Variants in COX10 observed in about 807,000 individuals in gnomAD.
The protein encoded by COX10 is protoheme IX farnesyltransferase, mitochondrial.
COX10 carries 27 observed loss-of-function variants against 37.3 expected under a neutral mutation model. That is an observed-to-expected ratio of 0.72 (90% CI 0.53 to 1.00). COX10 has a LOEUF of 1.00. Among genes scored for constraint, COX10 ranks in the 50% least tolerant of loss-of-function variants. The pLI is 0.00. For missense variants in COX10, 475 were observed against 563.2 expected (o/e 0.84, Z 1.59); for synonymous variants, 222 against 229.1 (o/e 0.97, Z 0.28).
intron 4 of COX10, among the ~76,000 whole-genome samples, chr17:14,109,281 A>G (rs1441220195): frequency 6.6e-6 from 1 of 152,176 alleles, no homozygotes; most frequent in Non-Finnish European, 1.5e-5. Flanking sequence ...CAGAAAGAAA[A>G]TGCATTTTGA....
At chr17:14,096,237 C>T (rs974793838) in intron 3 of COX10, among the ~76,000 whole-genome samples, 2 of 152,114 alleles carry the variant, frequency 1.3e-5, no homozygotes, top group Non-Finnish European at 2.9e-5. Flanking sequence ...CTCTTATAGG[C>T]CCAACTTCTT....
chr17:14,181,642 G>A (rs1430564994), intron 5 of COX10, among the ~76,000 whole-genome samples: 1 of 152,178 alleles, frequency 6.6e-6, no homozygotes, highest in Non-Finnish European at 1.5e-5. Flanking sequence ...TAAGGAGGCA[G>A]ATCAGAGAAT....
intron 4 of COX10, among the ~76,000 whole-genome samples, chr17:14,121,089 G>C (rs143065955): frequency 2.0e-5 from 3 of 152,196 alleles, no homozygotes; most frequent in African/African-American, 7.2e-5. Context: ...TTGTTCTTTA[G>C]CATTTCTAGT....
chr17:14,069,627 C>G lies in COX10; in HGVS notation c.22C>G (p.Leu8Val), dbSNP rs1393803683. Residue 8 changes from leucine (L) to valine (V), a missense_variant, in exon 1 of 7, where the codon CTC becomes GTC. Transcript: ENST00000261643. Reference sequence around the variant, plus strand: ...AATTATGGCCGCATCTCCGCACACTCTCTCCTCACGCCTCCTGACAGGTAC... The same window carrying G: ...AATTATGGCCGCATCTCCGCACACTGTCTCCTCACGCCTCCTGACAGGTAC... MAASPHT[L>V]SSRLLTGCVG... The G allele has an allele frequency of 1.2e-6, 2 of 1,614,114 alleles. No individual in the cohort carries two copies. Among genetic ancestry groups the G allele is most frequent in the Non-Finnish European group, 1.7e-6 (2 of 1,180,018 alleles).
At chr17:14,165,006 T>G (rs924602351) in intron 5 of COX10, among the ~76,000 whole-genome samples, 1 of 152,236 alleles carries the variant, frequency 6.6e-6, no homozygotes, top group African/African-American at 2.4e-5. Context: ...TCTTTCCCTT[T>G]CAACAATGCC....
At chr17:14,102,805 T>C (rs1163994185) in intron 4 of COX10, among the ~76,000 whole-genome samples, 3 of 152,190 alleles carry the variant, frequency 2.0e-5, no homozygotes, top group Non-Finnish European at 2.9e-5. Flanking sequence ...TAATTTTTTT[T>C]CCCATCTAGT....
chr17:14,133,908 C>T (rs1175319529), intron 4 of COX10, among the ~76,000 whole-genome samples: 10 of 151,526 alleles, frequency 6.6e-5, no homozygotes, highest in African/African-American at 2.4e-4. Context: ...TATATGTTTT[C>T]ATATGGAAGT....
chr17:14,096,383 T>G (rs1311046617), intron 3 of COX10, among the ~76,000 whole-genome samples: 3 of 144,906 alleles, frequency 2.1e-5, no homozygotes, highest in Admixed American at 6.9e-5. Flanking sequence ...TTTTTCTTTT[T>G]TTTTTTTTTT....
At chr17:14,083,017 G>A (rs546937741) in intron 3 of COX10, among the ~76,000 whole-genome samples, 6 of 152,158 alleles carry the variant, frequency 3.9e-5, no homozygotes, top group Non-Finnish European at 7.3e-5. Flanking sequence ...CAGCGGAGCC[G>A]GTCACTACCA....
intron 5 of COX10, among the ~76,000 whole-genome samples, chr17:14,170,888 C>A (rs1484226854): frequency 6.6e-6 from 1 of 152,078 alleles, no homozygotes; most frequent in Non-Finnish European, 1.5e-5. Flanking sequence ...TCACTAAAAT[C>A]ATGTAAATAA....
intron 4 of COX10, among the ~76,000 whole-genome samples, chr17:14,142,094 G>A (rs907485972): frequency 1.3e-5 from 2 of 152,102 alleles, no homozygotes; most frequent in African/African-American, 2.4e-5. Flanking sequence ...CTCAAATAAG[G>A]AGTAAGCGCC....
At chr17:14,157,077 C>T (rs958567609) in intron 4 of COX10, among the ~76,000 whole-genome samples, 6 of 152,198 alleles carry the variant, frequency 3.9e-5, no homozygotes, top group Non-Finnish European at 8.8e-5. Flanking sequence ...TGAAATTTTA[C>T]TTTCATATAA....
At position 14,102,152 on chromosome 17, in the gene COX10, A is replaced by G. The variant is rs199583573; in HGVS notation, c.534A>G (p.Ala178=). The change falls in exon 4 of 7, where the codon GCA becomes GCG. Residue 178 remains alanine, a synonymous_variant. Coordinates refer to ENST00000261643, the MANE Select transcript of COX10 (RefSeq NM_001303.4). The stretch of plus-strand genomic sequence containing the variant: ...TAAGTACCACTGCAGCTGGATTTGC[A>G]TTGGCTCCGGGCCCTTTTGACTGGC... ...LVVSTTAAGF[A]LAPGPFDWPC... is the part of the protein sequence containing the mutation. The G allele has an allele frequency of 6.2e-7, 1 of 1,613,700 alleles. No homozygotes were observed. The highest frequency in any genetic ancestry group is 1.3e-5 in the African/African-American group (1 of 75,000).
intron 4 of COX10, among the ~76,000 whole-genome samples, chr17:14,147,473 G>A (rs1904754786): frequency 6.6e-6 from 1 of 152,126 alleles, no homozygotes; most frequent in Admixed American, 6.6e-5. Context: ...TGGAGATAGA[G>A]AGTAGAAGGA....
intron 4 of COX10, among the ~76,000 whole-genome samples, chr17:14,137,179 A>T (rs993854343): frequency 6.6e-6 from 1 of 151,898 alleles, no homozygotes; most frequent in African/African-American, 2.4e-5. Flanking sequence ...TAAAATTCTT[A>T]AAAACATGTT....
Position 14,157,610 on chromosome 17 carries a change from CA to C in COX10, c.625-2266del, listed in dbSNP as rs1476501124. ...CAGTCGATAAAAACTGCAACTGCCA[CA>C]GTTGCTTCCAACAGAAACCAATTCA... On this transcript the variant is annotated intron_variant, in intron 4 of 6. Transcript: ENST00000261643. Among the ~76,000 whole-genome samples, 4 of 152,190 alleles carry C rather than the reference CA, an allele frequency of 2.6e-5. No individual in the cohort carries two copies. In the East Asian group the frequency reaches 7.7e-4, roughly 29 times the overall value.
Position 14,194,252 on chromosome 17 carries a change from C to T in COX10, c.928+2031C>T, listed in dbSNP as rs1225076347. Reference sequence around the variant, plus strand: ...GGGCTAGAGGCCCTTGTCACACTTCCGGGCAGTTTCCTCCTGAAGAGAGCC... The same window carrying T: ...GGGCTAGAGGCCCTTGTCACACTTCTGGGCAGTTTCCTCCTGAAGAGAGCC... On this transcript the variant is annotated intron_variant, in intron 6 of 6. Coordinates refer to ENST00000261643, the MANE Select transcript of COX10 (RefSeq NM_001303.4). Among the ~76,000 whole-genome samples the T allele has an allele frequency of 7.2e-5, 11 of 152,038 alleles. No homozygotes were observed. In the East Asian group the frequency reaches 9.7e-4, roughly 13 times the overall value.
intron 3 of COX10, among the ~76,000 whole-genome samples, chr17:14,092,238 A>G (rs1915544275): frequency 6.6e-6 from 1 of 152,054 alleles, no homozygotes; most frequent in South Asian, 2.1e-4. Flanking sequence ...CCTTTTTCTG[A>G]ATGCTAATTG....
intron 4 of COX10, among the ~76,000 whole-genome samples, chr17:14,123,994 TG>T (rs1365783505): frequency 2.0e-5 from 3 of 152,202 alleles, no homozygotes; most frequent in Non-Finnish European, 4.4e-5. Flanking sequence ...GCTTGCCTTT[TG>T]TTACTTAAAA....
Sources: allele counts gnomAD v4.1 joint callset (sites outside exome capture counted in the v4.1 genomes callset), GRCh38; gene constraint gnomAD v4.1.1; transcripts MANE v1.5; gene names NCBI Gene and HGNC (gene_info 2026-07-23, HGNC 2026-07-21).